Variants in TRIM36 observed in about 807,000 individuals in gnomAD.
The protein encoded by TRIM36 is tripartite motif containing 36.
Under a neutral mutation model 72.4 loss-of-function variants are expected in TRIM36, and 42 were observed. That is an observed-to-expected ratio of 0.58 (90% CI 0.45 to 0.75). The LOEUF (loss-of-function observed/expected upper bound fraction) is 0.75, where lower values mean the gene tolerates loss of function less well. TRIM36 is among the 30% of genes least tolerant of loss of function. The pLI, the probability that TRIM36 is intolerant of heterozygous loss-of-function variation, is 0.00. For missense variants in TRIM36, 913 were observed against 857.1 expected, an observed-to-expected ratio of 1.07 and a Z score of -0.81; for synonymous variants, 315 against 282.8, an observed-to-expected ratio of 1.11 and a Z score of -1.14.
At chr5:115,176,229 C>T (rs528019658) in intron 1 of TRIM36, among the ~76,000 whole-genome samples, 1 of 152,220 alleles carries the variant, frequency 6.6e-6, no homozygotes, top group African/African-American at 2.4e-5. Flanking sequence ...ATCTATTCGT[C>T]CTTCTGAAAG....
chr5:115,140,398 G>A (rs759408982), intron 5 of TRIM36, among the ~76,000 whole-genome samples: 2 of 152,124 alleles, frequency 1.3e-5, no homozygotes, highest in Middle Eastern at 6.3e-3. Context: ...TTAAAATGCT[G>A]TTATCTTTTC....
rs892158205 is a variant in TRIM36, at chr5:115,147,256, C to A, written c.401G>T (p.Arg134Leu). Residue 134 changes from arginine to leucine, a missense_variant, in exon 3 of 10, where the codon CGT becomes CTT. Transcript: ENST00000513154. ...FTLETIVERY[R>L]QAARAATAIM... ...GGCTGTGGCTGCCCTAGCTGCTTGA[C>A]GATATCTTTCCACAATAGTTTCCAA... 1 of 1,614,062 alleles carries A rather than the reference C, an allele frequency of 6.2e-7. No individual in the cohort carries two copies. Among genetic ancestry groups the A allele is most frequent in the Admixed American group, 1.7e-5 (1 of 60,004 alleles).
chr5:115,135,220 A>T (rs1057244996), intron 7 of TRIM36, among the ~76,000 whole-genome samples: 2 of 152,214 alleles, frequency 1.3e-5, no homozygotes, highest in African/African-American at 4.8e-5. Context: ...ACGCTATAAA[A>T]GCTACACACA....
intron 4 of TRIM36, among the ~76,000 whole-genome samples, 171 bp downstream of exon 4, chr5:115,144,427 T>C (rs1387420878): frequency 6.6e-6 from 1 of 152,196 alleles, no homozygotes; most frequent in East Asian, 1.9e-4. Context: ...CCACAAATAA[T>C]TGTTGATCAG....
chr5:115,169,709 G>A lies in TRIM36; in HGVS notation c.-75C>T. 1 of 1,492,334 alleles carries A rather than the reference G, an allele frequency of 6.7e-7. No individual in the cohort carries two copies. The highest frequency in any genetic ancestry group is 8.9e-7 in the Non-Finnish European group (1 of 1,119,868). The allele number at this position is 1,492,334 out of a possible 1,614,324, so 92.4% of individuals were successfully genotyped here. ...TACCGAGCGCAGGGTCTGGTGGGCG[G>A]GTCCCTGCGGCGGCCGTGGAGCCTC... On this transcript the variant is annotated 5_prime_UTR_variant, in exon 1 of 10. Coordinates refer to ENST00000513154, the MANE Select transcript of TRIM36 (RefSeq NM_001300759.2).
chr5:115,154,046 A>T (rs1754034018), intron 2 of TRIM36, among the ~76,000 whole-genome samples: 1 of 152,190 alleles, frequency 6.6e-6, no homozygotes, highest in African/African-American at 2.4e-5. Flanking sequence ...AACCATGCAA[A>T]TACATGGAAA....
At chr5:115,135,497 T>C (rs1260810230) in intron 7 of TRIM36, among the ~76,000 whole-genome samples, 2 of 149,942 alleles carry the variant, frequency 1.3e-5, no homozygotes, top group Non-Finnish European at 1.5e-5. Flanking sequence ...AAAAAATGCA[T>C]GTAGCAAAAA....
chr5:115,143,521 T>C (rs772666821), intron 4 of TRIM36, among the ~76,000 whole-genome samples: 3 of 151,560 alleles, frequency 2.0e-5, no homozygotes, highest in Non-Finnish European at 4.4e-5. Context: ...AAAACTGACC[T>C]AGTAGTGAAA....
At chr5:115,138,297 C>T (rs904259029) in intron 5 of TRIM36, among the ~76,000 whole-genome samples, 3 of 152,026 alleles carry the variant, frequency 2.0e-5, no homozygotes, top group African/African-American at 2.4e-5. Flanking sequence ...GATGGGGTTT[C>T]GCAGTGTTAG....
At chr5:115,150,797 G>A (rs1200852891) in intron 2 of TRIM36, among the ~76,000 whole-genome samples, 1 of 152,184 alleles carries the variant, frequency 6.6e-6, no homozygotes, top group Admixed American at 6.5e-5. Flanking sequence ...CTGGATAACG[G>A]GAGATTTTGA....
intron 2 of TRIM36, among the ~76,000 whole-genome samples, chr5:115,158,172 G>A (rs925106605): frequency 6.6e-6 from 1 of 152,102 alleles, no homozygotes; most frequent in Non-Finnish European, 1.5e-5. Context: ...GAAAGGTAAG[G>A]AAGTAATGTA....
At chr5:115,175,079 AC>A (rs923433113) in intron 1 of TRIM36, among the ~76,000 whole-genome samples, 2 of 151,900 alleles carry the variant, frequency 1.3e-5, no homozygotes, top group Admixed American at 1.3e-4. Flanking sequence ...AACACAATAC[AC>A]CCAGTTAAAT....
At chr5:115,135,294 A>G (rs1366495514) in intron 7 of TRIM36, among the ~76,000 whole-genome samples, 1 of 152,164 alleles carries the variant, frequency 6.6e-6, no homozygotes, top group Admixed American at 6.5e-5. Flanking sequence ...TCCTCTCCTT[A>G]TTCCCCAATG....
intron 4 of TRIM36, among the ~76,000 whole-genome samples, chr5:115,142,183 G>C (rs984712257): frequency 4.6e-5 from 7 of 152,196 alleles, no homozygotes; most frequent in African/African-American, 1.7e-4. Context: ...AGCATTTCAG[G>C]CTCAATTACC....
chr5:115,133,280 A>G (rs931707711), intron 8 of TRIM36, among the ~76,000 whole-genome samples: 1 of 152,184 alleles, frequency 6.6e-6, no homozygotes, highest in Non-Finnish European at 1.5e-5. Context: ...TAGGCGCTCT[A>G]TATGTAGTAT....
At chr5:115,129,897 C>T (rs1050530964) in intron 9 of TRIM36, among the ~76,000 whole-genome samples, 2 of 152,134 alleles carry the variant, frequency 1.3e-5, no homozygotes, top group East Asian at 1.9e-4. Context: ...TAGTATTTCT[C>T]ATGTTATGAA....
In TRIM36 at chr5:115,126,216, A is replaced by G. The variant is rs1010862843; in HGVS notation, c.*287T>C. The G allele has an allele frequency of 3.4e-6, 1 of 290,806 alleles. No homozygotes were observed. Among genetic ancestry groups the G allele is most frequent in the Admixed American group, 4.6e-5 (1 of 21,606 alleles). 18.0% of individuals were successfully genotyped at this position (290,806 alleles called of 1,614,324 possible). On this transcript the variant is annotated 3_prime_UTR_variant, in exon 10 of 10. Transcript: ENST00000513154. ...GAAAGTGTCAGCAACACCAGCTGAC[A>G]GAAATAAATTAGATATCCTGTACAT...
At chr5:115,142,479 T>C (rs1162328680) in intron 4 of TRIM36, among the ~76,000 whole-genome samples, 2 of 152,148 alleles carry the variant, frequency 1.3e-5, no homozygotes, top group South Asian at 2.1e-4. Flanking sequence ...TAGGAAAAGA[T>C]AAGTTAGTTG....
At chr5:115,134,930 T>C (rs1580646138) in intron 7 of TRIM36, among the ~76,000 whole-genome samples, 1 of 152,320 alleles carries the variant, frequency 6.6e-6, no homozygotes, top group Non-Finnish European at 1.5e-5. Flanking sequence ...ATGGTACATA[T>C]TTTTATAAGG....
Sources: gnomAD v4.1 joint callset for allele counts (sites outside exome capture counted in the v4.1 genomes callset) on GRCh38, gnomAD v4.1.1 for gene constraint, MANE v1.5 for transcripts, NCBI Gene and HGNC (gene_info 2026-07-23, HGNC 2026-07-21) for gene names.